Variants in ITGAM observed in about 807,000 individuals in gnomAD.
The protein encoded by ITGAM is integrin alpha-M.
A neutral mutation model predicts 137.5 loss-of-function variants in ITGAM; 79 were observed. The observed-to-expected ratio is 0.57, with a 90% CI of 0.48 to 0.69. The LOEUF (loss-of-function observed/expected upper bound fraction) is 0.69, where lower values mean the gene tolerates loss of function less well. ITGAM is among the 30% of genes least tolerant of loss of function. The probability of loss-of-function intolerance (pLI) is 0.00; values close to 1 mark genes in which losing one functional copy is unlikely to be tolerated. For missense variants in ITGAM, 1,343 were observed against 1,483.5 expected (o/e 0.91, Z 1.56); for synonymous variants, 583 against 592.3 (o/e 0.98, Z 0.23).
rs1478498974 is a variant in ITGAM at position 31,332,797 on chromosome 16, T to C, written c.*1090T>C. The stretch of plus-strand genomic sequence containing the variant: ...AGTGTACCATAATGTATTTAACCAG[T>C]CTTCTTTTGATATACTATTTTCATT... On this transcript the variant is annotated 3_prime_UTR_variant, in exon 30 of 30. Transcript: ENST00000544665. 6.6e-6 allele frequency: 1 copy of C among 152,246 alleles called. No individual in the cohort carries two copies. The highest frequency in any genetic ancestry group is 1.5e-5 in the Non-Finnish European group (1 of 68,042). 9.4% of individuals were successfully genotyped at this position (152,246 alleles called of 1,614,324 possible). A position where few individuals can be genotyped will look rare whatever the true frequency, so the allele number is the denominator to read the frequency against.
chr16:31,293,014 T>C (rs988157211), intron 12 of ITGAM, among the ~76,000 whole-genome samples: 22 of 152,116 alleles, frequency 1.4e-4, no homozygotes, highest in Non-Finnish European at 2.9e-4. Flanking sequence ...ATGATAATGA[T>C]TTTGAGCTTT....
chr16:31,329,753 TG>T, intron 24 of ITGAM, 44 bp from the exon 25 acceptor site: 1 of 1,497,354 alleles, frequency 6.7e-7, no homozygotes, highest in South Asian at 1.2e-5. Flanking sequence ...TCCAGGCTGG[TG>T]GGGGAGGAAG....
chr16:31,281,871 C>T (rs2079973175), intron 12 of ITGAM, among the ~76,000 whole-genome samples: 1 of 152,156 alleles, frequency 6.6e-6, no homozygotes, highest in South Asian at 2.1e-4. Flanking sequence ...CTATAAATTT[C>T]CCTCTACACA....
intron 2 of ITGAM, among the ~76,000 whole-genome samples, chr16:31,262,931 G>T (rs532880368): frequency 1.3e-5 from 2 of 152,162 alleles, no homozygotes; most frequent in African/African-American, 4.8e-5. Context: ...GCCATAATTG[G>T]GAGATGCTAT....
rs371966905 is a variant in ITGAM, at chr16:31,314,883, C to T, written c.1708-6358C>T. The stretch of plus-strand genomic sequence containing the variant: ...TGTCACCCAGGCTGGAGTACAGTAG[C>T]GTGAACTGCAACCTCTGCCTCCAGG... On this transcript the variant is annotated intron_variant, in intron 14 of 29. Transcript: ENST00000544665. Among the ~76,000 whole-genome samples, 66 of 144,802 alleles carry T rather than the reference C, an allele frequency of 4.6e-4. No homozygotes were observed. The South Asian group carries it at 0.013, about 29-fold the overall frequency. The allele number at this position is 144,802 out of a possible 152,430, so 95.0% of individuals were successfully genotyped here.
At chr16:31,292,236 T>A (rs952725733) in intron 12 of ITGAM, among the ~76,000 whole-genome samples, 2 of 152,076 alleles carry the variant, frequency 1.3e-5, no homozygotes, top group South Asian at 2.1e-4. Flanking sequence ...TTATTTAATT[T>A]AAAAAAATTA....
In ITGAM at chr16:31,321,408, C is replaced by T. The variant is rs1177363102; in HGVS notation, c.1838+37C>T. 6 of 1,613,568 alleles carry T rather than the reference C, an allele frequency of 3.7e-6. No homozygotes were observed. The African/African-American group carries it at 8.0e-5, about 22-fold the overall frequency. On this transcript the variant is annotated intron_variant, in intron 15 of 29. Transcript: ENST00000544665. ...TTTTGGAGTCAACCGGACATTCTCC[C>T]TTGAAGGAATGTTTCCTGTTTGAAG... is the stretch of plus-strand genomic sequence containing the variant.
chr16:31,318,019 G>C (rs538898391), intron 14 of ITGAM, among the ~76,000 whole-genome samples: 35 of 152,140 alleles, frequency 2.3e-4, no homozygotes, highest in Non-Finnish European at 3.4e-4. Flanking sequence ...TTGGTTGGTA[G>C]AATTTGCCTG....
rs575873538 is a variant in ITGAM, at chr16:31,283,418, C to G, written c.1356+5309C>G. Among the ~76,000 whole-genome samples, 26 of 152,288 alleles carry G rather than the reference C, an allele frequency of 1.7e-4. 1 individual carries two copies. Among genetic ancestry groups the G allele is most frequent in the Admixed American group, 7.9e-4 (12 of 15,282 alleles). On this transcript the variant is annotated intron_variant, in intron 12 of 29. Transcript: ENST00000544665. ...TATTTCTTGGAGGCTTTGTTCATTTCTTTTTACTCTTTTTTTCTCTGAACT... is the reference window on the plus strand; with the variant it reads ...TATTTCTTGGAGGCTTTGTTCATTTGTTTTTACTCTTTTTTTCTCTGAACT...
At chr16:31,263,528 T>A (rs1488794283) in intron 2 of ITGAM, among the ~76,000 whole-genome samples, 1 of 152,164 alleles carries the variant, frequency 6.6e-6, no homozygotes, top group Non-Finnish European at 1.5e-5. Flanking sequence ...CTCAGTGTGC[T>A]ATCAAACTTA....
chr16:31,297,793 C>A lies in ITGAM; in HGVS notation c.1546C>A (p.Pro516Thr). Residue 516 changes from proline to threonine, a missense_variant, in exon 14 of 30, where the codon CCC becomes ACC. Transcript: ENST00000544665. ...DAVLYGEQGQ[P>T]WGRFGAALTV... The stretch of plus-strand genomic sequence containing the variant: ...TGTTCTCTACGGGGAGCAGGGCCAA[C>A]CCTGGGGCCGCTTTGGGGCAGCCCT... The A allele has an allele frequency of 6.2e-7, 1 of 1,608,304 alleles. No individual in the cohort carries two copies. The highest frequency in any genetic ancestry group is 1.1e-5 in the South Asian group (1 of 90,730).
intron 11 of ITGAM, 37 bp from the exon 12 acceptor site, chr16:31,277,930 A>C: frequency 6.4e-7 from 1 of 1,555,880 alleles, no homozygotes. Flanking sequence ...AGGAGGGGGC[A>C]GGGAATGCAC....
At chr16:31,295,771 G>A (rs1000993925) in intron 12 of ITGAM, among the ~76,000 whole-genome samples, 1 of 151,970 alleles carries the variant, frequency 6.6e-6, no homozygotes, top group Non-Finnish European at 1.5e-5. Flanking sequence ...TAGAAGTAGT[G>A]AGAGTGAGCA....
chr16:31,318,344 C>CT (rs34125826), intron 14 of ITGAM, among the ~76,000 whole-genome samples: 16,655 of 131,466 alleles, frequency 0.13, 1,506 homozygotes, highest in Admixed American at 0.21. Flanking sequence ...CTTGTCAGTT[C>CT]TTTTTTTTTT....
intron 12 of ITGAM, 118 bp downstream of exon 12, chr16:31,278,227 TGTGAGCTG>T: frequency 8.9e-7 from 1 of 1,125,270 alleles, no homozygotes; most frequent in Non-Finnish European, 1.3e-6. Flanking sequence ...CTTTGGGGGC[TGTGAGCTG>T]GGGAGTTGTG....
intron 5 of ITGAM, among the ~76,000 whole-genome samples, chr16:31,266,770 A>G (rs941450635): frequency 6.6e-6 from 1 of 151,866 alleles, no homozygotes; most frequent in African/African-American, 2.4e-5. Flanking sequence ...CATTGGCAAG[A>G]GGTGGGAATC....
At chr16:31,272,455 ATATATATAT>A (rs2079858599) in intron 7 of ITGAM, among the ~76,000 whole-genome samples, 1 of 11,408 alleles carries the variant, frequency 8.8e-5, no homozygotes, top group African/African-American at 4.3e-4. Context: ...ATATATATAT[ATATATATAT>A]TTTTTTTTTT....
intron 6 of ITGAM, 93 bp downstream of exon 6, chr16:31,271,177 C>A: frequency 9.3e-7 from 1 of 1,069,810 alleles, no homozygotes; most frequent in Non-Finnish European, 1.3e-6. Flanking sequence ...AGTTCAACTG[C>A]AGACATTGCC....
Position 31,265,871 on chromosome 16 carries a change from C to A in ITGAM, c.299C>A (p.Pro100His), listed in dbSNP as rs773149022. ...TCCCTGGCAGCCACCACCAGCCCCC[C>A]TCAGCTGCTGGTGAGTGGGGCTCGA... ...GLSLAATTSP[P>H]QLLACGPTVH... Residue 100 changes from proline to histidine, a missense_variant, in exon 4 of 30, where the codon CCT becomes CAT. Physicochemically the swap from Pro to His is moderately conservative, Grantham distance 77. Coordinates refer to ENST00000544665, the MANE Select transcript of ITGAM (RefSeq NM_000632.4). The A allele has an allele frequency of 1.2e-6, 2 of 1,613,826 alleles. No individual in the cohort carries two copies. Among genetic ancestry groups the A allele is most frequent in the Non-Finnish European group, 1.7e-6 (2 of 1,179,938 alleles).
Sources: allele counts gnomAD v4.1 joint callset (sites outside exome capture counted in the v4.1 genomes callset), GRCh38; gene constraint gnomAD v4.1.1; transcripts MANE v1.5; gene names NCBI Gene and HGNC (gene_info 2026-07-23, HGNC 2026-07-21).